Variants in FOXK1 observed in about 807,000 individuals in gnomAD.
FOXK1 encodes the protein forkhead box K1.
In FOXK1, 19 loss-of-function variants were observed where a neutral mutation model predicts 51.9. The observed-to-expected ratio is 0.37, with a 90% CI of 0.26 to 0.54. The LOEUF (loss-of-function observed/expected upper bound fraction) is 0.54. FOXK1 is among the 20% of genes least tolerant of loss of function. The pLI, the probability that FOXK1 is intolerant of heterozygous loss-of-function variation, is 0.87. For synonymous variants in FOXK1, 537 were observed against 482.6 expected (o/e 1.11, Z -1.48); for missense variants, 870 against 1,032.7 (o/e 0.84, Z 2.16).
intron 1 of FOXK1, among the ~76,000 whole-genome samples, chr7:4,691,648 C>T (rs547032208): frequency 1.3e-5 from 2 of 152,240 alleles, no homozygotes; most frequent in African/African-American, 4.8e-5. Context: ...GGCCATTATA[C>T]ATGATTTGAT....
At chr7:4,706,716 G>A (rs776688906) in intron 1 of FOXK1, among the ~76,000 whole-genome samples, 5 of 152,372 alleles carry the variant, frequency 3.3e-5, no homozygotes, top group Non-Finnish European at 5.9e-5. Flanking sequence ...CATCATCCTC[G>A]TGAAAGACAC....
Position 4,703,655 on chromosome 7 carries a change from T to G in FOXK1, c.560+20787T>G, listed in dbSNP as rs756239878. 2.1e-4 allele frequency among the ~76,000 whole-genome samples: 32 copies of G among 152,198 alleles called. No individual in the cohort carries two copies. Among genetic ancestry groups the G allele is most frequent in the Non-Finnish European group, 4.0e-4 (27 of 68,042 alleles). Reference sequence around the variant, plus strand: ...TAAAAGCTTGAATATTAAAACCAAATGATCCCGGGTAGAGCTGCAGCTGGG... The same window carrying G: ...TAAAAGCTTGAATATTAAAACCAAAGGATCCCGGGTAGAGCTGCAGCTGGG... On this transcript the variant is annotated intron_variant, in intron 1 of 8. Coordinates refer to ENST00000328914, the MANE Select transcript of FOXK1 (RefSeq NM_001037165.2). The surrounding 1 kb of genome is among the most constrained non-coding windows in gnomAD (Gnocchi z 5.6).
chr7:4,744,177 G>GTT (rs151063512), intron 2 of FOXK1, among the ~76,000 whole-genome samples: 5,055 of 152,230 alleles, frequency 0.033, 247 homozygotes, highest in African/African-American at 0.12. Flanking sequence ...TAGTAAAGTC[G>GTT]CTTTTATTAC....
At chr7:4,698,914 C>T (rs1449570901) in intron 1 of FOXK1, among the ~76,000 whole-genome samples, 1 of 152,198 alleles carries the variant, frequency 6.6e-6, no homozygotes, top group Non-Finnish European at 1.5e-5. Context: ...TCTCAAACTC[C>T]TAGGCTCAAA....
Position 4,721,273 on chromosome 7 carries a change from G to T in FOXK1, c.561-19565G>T, listed in dbSNP as rs577963543. Reference sequence around the variant, plus strand: ...TGCCTGTGTGTGGCAGTGCACAGGGGCCTTGGAAACCCCCCGGAGCTCCCC... The same window carrying T: ...TGCCTGTGTGTGGCAGTGCACAGGGTCCTTGGAAACCCCCCGGAGCTCCCC... On this transcript the variant is annotated intron_variant, in intron 1 of 8. Transcript: ENST00000328914. Among the ~76,000 whole-genome samples, 18 of 152,272 alleles carry T rather than the reference G, an allele frequency of 1.2e-4. No homozygotes were observed. The South Asian group carries it at 3.5e-3, about 30-fold the overall frequency.
At chr7:4,685,839 A>C (rs1779811751) in intron 1 of FOXK1, among the ~76,000 whole-genome samples, 1 of 151,904 alleles carries the variant, frequency 6.6e-6, no homozygotes, top group African/African-American at 2.4e-5. Context: ...GCTACTTGGG[A>C]GGCTGAGACA....
chr7:4,739,563 A>G (rs1008658648), intron 1 of FOXK1, among the ~76,000 whole-genome samples: 1 of 152,158 alleles, frequency 6.6e-6, no homozygotes, highest in African/African-American at 2.4e-5. Context: ...AACCCTGGAT[A>G]CTGTTCACAG....
chr7:4,717,456 TGGCTGG>T (rs879376545), intron 1 of FOXK1, among the ~76,000 whole-genome samples: 4,856 of 59,536 alleles, frequency 0.082, 269 homozygotes, highest in African/African-American at 0.3. Context: ...GGGAGGTGTG[TGGCTGG>T]GAGGCATGTG....
At chr7:4,736,629 G>T (rs968320806) in intron 1 of FOXK1, among the ~76,000 whole-genome samples, 1 of 152,034 alleles carries the variant, frequency 6.6e-6, no homozygotes, top group Non-Finnish European at 1.5e-5. Flanking sequence ...GGCCAGGCTG[G>T]TCTCGAACTC....
In FOXK1 at chr7:4,766,042, G is replaced by A. The variant is rs1001540745; in HGVS notation, c.*3578G>A. 1 of 152,332 alleles carries A rather than the reference G, an allele frequency of 6.6e-6. No individual in the cohort carries two copies. Among genetic ancestry groups the A allele is most frequent in the African/African-American group, 2.4e-5 (1 of 41,474 alleles). The allele number at this position is 152,332 out of a possible 1,614,324, so 9.4% of individuals were successfully genotyped here. ...AGGGCATGGTACCCAGTATCCCGGT[G>A]TGTGCCCATCCTCAGCCACTTGTGT... On this transcript the variant is annotated 3_prime_UTR_variant, in exon 9 of 9. Coordinates refer to ENST00000328914, the MANE Select transcript of FOXK1 (RefSeq NM_001037165.2). The surrounding 1 kb of genome is among the most constrained non-coding windows in gnomAD (Gnocchi z 5.5).
In FOXK1 at chr7:4,759,433, G is replaced by A. The variant is rs554234880; in HGVS notation, c.1534G>A (p.Ala512Thr). 1.9e-6 allele frequency: 3 copies of A among 1,595,926 alleles called. No homozygotes were observed. Among genetic ancestry groups the A allele is most frequent in the Non-Finnish European group, 2.6e-6 (3 of 1,175,852 alleles). Residue 512 changes from alanine (A) to threonine (T), a missense_variant, in exon 7 of 9, where the codon GCC (alanine) becomes ACC (threonine). Ala to Thr is a moderately conservative substitution (Grantham distance 58). Around this residue, in one of 3 missense-constraint regions of FOXK1, gnomAD observed 457 missense variants for 510.8 expected, o/e 0.89. Coordinates refer to ENST00000328914, the MANE Select transcript of FOXK1 (RefSeq NM_001037165.2). ...IVTSQQPAGH[A>T]IHVVQQAPTV... is the part of the protein sequence containing the mutation. ...AACCTCACAGCAGCCCGCGGGCCAC[G>A]CCATCCACGTCGTGCAGCAGGCCCC...
rs766076405 is a variant in FOXK1 at position 4,722,084 on chromosome 7, G to T, written c.561-18754G>T. Among the ~76,000 whole-genome samples, 58 of 152,192 alleles carry T rather than the reference G, an allele frequency of 3.8e-4. No individual in the cohort carries two copies. The highest frequency in any genetic ancestry group is 6.5e-4 in the Non-Finnish European group (44 of 68,030). Reference sequence around the variant, plus strand: ...CCCATCCCAGCAGCCTCATGCCTGTGGGTGGGACGTGCTAGAGGAGGGGAC... The same window carrying T: ...CCCATCCCAGCAGCCTCATGCCTGTTGGTGGGACGTGCTAGAGGAGGGGAC... On this transcript the variant is annotated intron_variant, in intron 1 of 8. Coordinates refer to ENST00000328914, the MANE Select transcript of FOXK1 (RefSeq NM_001037165.2). The surrounding 1 kb of genome is among the most constrained non-coding windows in gnomAD (Gnocchi z 5.1).
intron 1 of FOXK1, among the ~76,000 whole-genome samples, chr7:4,721,783 G>GT: frequency 1.3e-5 from 2 of 151,002 alleles, no homozygotes; most frequent in South Asian, 4.2e-4. Context: ...TATAGACAGA[G>GT]TTTCACCGTA....
At chr7:4,708,055 G>T (rs1203816481) in intron 1 of FOXK1, among the ~76,000 whole-genome samples, 3 of 151,976 alleles carry the variant, frequency 2.0e-5, no homozygotes, top group African/African-American at 7.3e-5. Flanking sequence ...GTACCGCCTA[G>T]TAACTGGTGG....
Position 4,682,489 on chromosome 7 carries a change from C to A in FOXK1, c.181C>A (p.Pro61Thr). The A allele has an allele frequency of 9.9e-7, 1 of 1,008,748 alleles. No homozygotes were observed. The highest frequency in any genetic ancestry group is 9.9e-5 in the East Asian group (1 of 10,088). 62.5% of individuals were successfully genotyped at this position (1,008,748 alleles called of 1,614,324 possible). ...GPPPPPPPPLPPGAIAGAGSS... is the reference protein window; with the variant it reads ...GPPPPPPPPLTPGAIAGAGSS... Reference sequence around the variant, plus strand: ...GCCGCCGCCGCCGCCACCGCCGCTGCCTCCGGGCGCGATCGCGGGCGCGGG... The same window carrying A: ...GCCGCCGCCGCCGCCACCGCCGCTGACTCCGGGCGCGATCGCGGGCGCGGG... The change falls in exon 1 of 9, where the codon CCT (proline) becomes ACT (threonine). Residue 61 changes from proline to threonine, a missense_variant. Pro to Thr is a conservative substitution (Grantham distance 38). Coordinates refer to ENST00000328914, the MANE Select transcript of FOXK1 (RefSeq NM_001037165.2). The surrounding 1 kb of genome is among the most constrained non-coding windows in gnomAD (Gnocchi z 7.6).
Position 4,758,983 on chromosome 7 carries a change from T to G in FOXK1, c.1245-68T>G. The stretch of plus-strand genomic sequence containing the variant: ...CGGGTGACGGCGCTGAGATGCGTGA[T>G]GTCTCGGAAACGTCCTCGCATCCCT... On this transcript the variant is annotated intron_variant, in intron 5 of 8. Coordinates refer to ENST00000328914, the MANE Select transcript of FOXK1 (RefSeq NM_001037165.2). This position sits in a 1 kb window ranked among gnomAD's most constrained non-coding sequence, Gnocchi z 4.4. 1 of 1,488,514 alleles carries G rather than the reference T, an allele frequency of 6.7e-7. No individual in the cohort carries two copies. The highest frequency in any genetic ancestry group is 9.0e-7 in the Non-Finnish European group (1 of 1,116,544). 92.2% of individuals were successfully genotyped at this position (1,488,514 alleles called of 1,614,324 possible).
At chr7:4,732,366 C>T (rs1780489300) in intron 1 of FOXK1, among the ~76,000 whole-genome samples, 1 of 152,194 alleles carries the variant, frequency 6.6e-6, no homozygotes, top group South Asian at 2.1e-4. Flanking sequence ...CATCATAGCC[C>T]ACTGCGGCCT....
rs1780892439 is a variant in FOXK1, at chr7:4,758,979, G to C, written c.1245-72G>C. The C allele has an allele frequency of 6.1e-6, 9 of 1,483,248 alleles. No homozygotes were observed. Among genetic ancestry groups the C allele is most frequent in the Admixed American group, 4.3e-5 (2 of 46,940 alleles). 91.9% of individuals were successfully genotyped at this position (1,483,248 alleles called of 1,614,324 possible). ...TGGGCGGGTGACGGCGCTGAGATGCGTGATGTCTCGGAAACGTCCTCGCAT... is the reference window on the plus strand; with the variant it reads ...TGGGCGGGTGACGGCGCTGAGATGCCTGATGTCTCGGAAACGTCCTCGCAT... On this transcript the variant is annotated intron_variant, in intron 5 of 8. Transcript: ENST00000328914. This position sits in a 1 kb window ranked among gnomAD's most constrained non-coding sequence, Gnocchi z 4.4.
At chr7:4,719,503 A>G (rs1008975277) in intron 1 of FOXK1, among the ~76,000 whole-genome samples, 2 of 150,800 alleles carry the variant, frequency 1.3e-5, no homozygotes, top group Non-Finnish European at 3.0e-5. Context: ...TATTTTTTTG[A>G]CAGAATCTCA....
Sources: allele counts gnomAD v4.1 joint callset (sites outside exome capture counted in the v4.1 genomes callset), GRCh38; gene constraint gnomAD v4.1.1; regional missense constraint gnomAD v4.1.1; non-coding constraint Gnocchi (gnomAD v3.1); transcripts MANE v1.5; gene names NCBI Gene and HGNC (gene_info 2026-07-23, HGNC 2026-07-21).